ANKRD45: variants seen among roughly 807,000 people sequenced by gnomAD.
The protein encoded by ANKRD45 is ankyrin repeat domain-containing protein 45.
A neutral mutation model predicts 28.1 loss-of-function variants in ANKRD45; 21 were observed. That is an observed-to-expected ratio of 0.75 (90% confidence interval 0.53 to 1.08). The LOEUF (loss-of-function observed/expected upper bound fraction) is 1.08. ANKRD45 is among the 50% of genes least tolerant of loss of function. The probability of loss-of-function intolerance (pLI) is 0.00; values close to 1 mark genes in which losing one functional copy is unlikely to be tolerated. For missense variants in ANKRD45, 261 were observed against 308.7 expected (o/e 0.85, Z 1.16); for synonymous variants, 86 against 103.9 (o/e 0.83, Z 1.05).
At chr1:173,683,986 G>T in the ANKRD45 span, among the ~76,000 whole-genome samples, 2 of 152,172 alleles carry the variant, frequency 1.3e-5, no homozygotes, top group Non-Finnish European at 2.9e-5. Context: ...GCTAGGGTTA[G>T]ACCGCATGGG....
At chr1:173,688,646 CCTCTCTCTCTTTCTGCCTCTTTCCT>C in the ANKRD45 span, among the ~76,000 whole-genome samples, 39 of 138,198 alleles carry the variant, frequency 2.8e-4, 1 homozygote, top group African/African-American at 7.7e-4. Context: ...CTGCCTCTTT[CCTCTCTCTCTTTCTGCCTCTTTCCT>C]CTCTCTCTTT....
chr1:173,636,018 A>G (rs1668423570), intron 3 of ANKRD45, among the ~76,000 whole-genome samples: 1 of 152,110 alleles, frequency 6.6e-6, no homozygotes, highest in South Asian at 2.1e-4. Flanking sequence ...TAGGTGTTCA[A>G]CAAATGTGTA....
intron 5 of ANKRD45, among the ~76,000 whole-genome samples, chr1:173,610,452 T>C (rs1221401038): frequency 6.6e-6 from 1 of 152,202 alleles, no homozygotes; most frequent in African/African-American, 2.4e-5. Flanking sequence ...AGTTCTGCCA[T>C]TGATGAGAGT....
chr1:173,640,381 G>T (rs1202553085), intron 3 of ANKRD45, among the ~76,000 whole-genome samples: 1 of 148,980 alleles, frequency 6.7e-6, no homozygotes, highest in East Asian at 2.0e-4. Flanking sequence ...GCCCCTATCT[G>T]GTGCTGTTAA....
intron 1 of ANKRD45, among the ~76,000 whole-genome samples, chr1:173,669,291 T>C (rs1670153062): frequency 6.6e-6 from 1 of 150,924 alleles, no homozygotes; most frequent in Admixed American, 6.6e-5. Flanking sequence ...ACAATCCAGG[T>C]AACGGGAAGA....
At position 173,610,154 on chromosome 1, in the gene ANKRD45, G is replaced by A. The variant is rs780724449; in HGVS notation, c.792C>T (p.Thr264=). 2 of 1,614,032 alleles carry A rather than the reference G, an allele frequency of 1.2e-6. No homozygotes were observed. The highest frequency in any genetic ancestry group is 8.5e-7 in the Non-Finnish European group (1 of 1,179,922). The change falls in exon 6 of 6, where the codon ACC becomes ACT. Residue 264 remains threonine (T), a synonymous_variant. Coordinates refer to ENST00000333279, the MANE Select transcript of ANKRD45 (RefSeq NM_198493.3). The part of the protein sequence containing the change: ...SHDQKRSQDD[T]SN ...TTTACAGAACGTATGTTCAGTTGGA[G>A]GTATCATCTTGACTTCTCTTCTGGT...
chr1:173,647,113 T>TA, intron 2 of ANKRD45, 100 bp from the exon 3 acceptor site: 2 of 1,165,142 alleles, frequency 1.7e-6, no homozygotes, highest in Non-Finnish European at 2.4e-6. Flanking sequence ...ATTGAACAAT[T>TA]ACTGTGGGCC....
At chr1:173,699,181 T>G in the ANKRD45 span, among the ~76,000 whole-genome samples, 2 of 152,150 alleles carry the variant, frequency 1.3e-5, no homozygotes, top group Admixed American at 6.6e-5. Flanking sequence ...CAATAATTAA[T>G]AGCCTACCAA....
In ANKRD45 at chr1:173,632,355, A is replaced by C. The variant is rs536024747; in HGVS notation, c.497-5196T>G. 6.6e-5 allele frequency among the ~76,000 whole-genome samples: 10 copies of C among 152,134 alleles called. No homozygotes were observed. In the South Asian group the frequency reaches 2.1e-3, roughly 32 times the overall value. The stretch of plus-strand genomic sequence containing the variant: ...ATCAAAGCTGTAATAAAAAGTCTCC[A>C]AGCAAAGAAAAGCCCAGGACCCAAT... On this transcript the variant is annotated intron_variant, in intron 3 of 5. Transcript: ENST00000333279.
chr1:173,616,923 G>A (rs914305939), intron 5 of ANKRD45, among the ~76,000 whole-genome samples: 13 of 152,124 alleles, frequency 8.5e-5, no homozygotes, highest in Admixed American at 5.2e-4. Flanking sequence ...GAGCAGCACA[G>A]AGCCAAAGGA....
upstream of ANKRD45, among the ~76,000 whole-genome samples, chr1:173,671,018 G>C (rs1386015684): frequency 6.6e-6 from 1 of 152,166 alleles, no homozygotes; most frequent in Non-Finnish European, 1.5e-5. Flanking sequence ...CCCTACCCTG[G>C]TTCCTCATAG....
At chr1:173,614,363 A>G (rs1298992798) in intron 5 of ANKRD45, among the ~76,000 whole-genome samples, 1 of 152,216 alleles carries the variant, frequency 6.6e-6, no homozygotes, top group Non-Finnish European at 1.5e-5. Context: ...CTCTACGGCC[A>G]CTATTTTCCT....
intron 3 of ANKRD45, among the ~76,000 whole-genome samples, chr1:173,629,697 T>C (rs1668101367): frequency 6.6e-6 from 1 of 152,040 alleles, no homozygotes; most frequent in African/African-American, 2.4e-5. Context: ...TAAAAGTTTC[T>C]GGCCTTAAAG....
chr1:173,614,252 C>T (rs183642152), intron 5 of ANKRD45, among the ~76,000 whole-genome samples: 2 of 149,692 alleles, frequency 1.3e-5, no homozygotes, highest in Non-Finnish European at 3.0e-5. Context: ...GAGAAACACC[C>T]AAGAATGATC....
the ANKRD45 span, among the ~76,000 whole-genome samples, chr1:173,706,875 T>C: frequency 3.3e-5 from 5 of 152,258 alleles, no homozygotes; most frequent in East Asian, 9.6e-4. Context: ...TCCCCCTCCA[T>C]AGAAGTTTTA....
chr1:173,694,912 T>C, the ANKRD45 span, among the ~76,000 whole-genome samples: 1 of 152,176 alleles, frequency 6.6e-6, no homozygotes, highest in African/African-American at 2.4e-5. Context: ...AATTTTTCAA[T>C]TACACAGAAA....
chr1:173,634,753 A>G (rs1668347511), intron 3 of ANKRD45, among the ~76,000 whole-genome samples: 1 of 151,906 alleles, frequency 6.6e-6, no homozygotes, highest in Admixed American at 6.6e-5. Flanking sequence ...TTTAATTATT[A>G]TATTACTTTT....
At chr1:173,706,336 T>C in the ANKRD45 span, among the ~76,000 whole-genome samples, 3 of 150,498 alleles carry the variant, frequency 2.0e-5, no homozygotes, top group South Asian at 6.3e-4. Context: ...CCTTGTTTTG[T>C]TTTGCTTTTA....
chr1:173,661,560 T>C, intron 1 of ANKRD45, among the ~76,000 whole-genome samples: 1 of 152,202 alleles, frequency 6.6e-6, no homozygotes, highest in East Asian at 1.9e-4. Context: ...TGCTAGGAAC[T>C]AAGTAGGTTT....
Sources: allele counts gnomAD v4.1 joint callset (sites outside exome capture counted in the v4.1 genomes callset), GRCh38; gene constraint gnomAD v4.1.1; transcripts MANE v1.5; gene names NCBI Gene and HGNC (gene_info 2026-07-23, HGNC 2026-07-21).